Variants in CLVS1 observed in about 807,000 individuals in gnomAD.
The protein encoded by CLVS1 is clavesin-1.
A neutral mutation model predicts 33.1 loss-of-function variants in CLVS1; 10 were observed. That is an observed-to-expected ratio of 0.30 (90% CI 0.19 to 0.51). The LOEUF is 0.51. CLVS1 is among the 20% of genes least tolerant of loss of function. CLVS1 has a pLI of 0.97. For missense variants in CLVS1, 343 were observed against 433.4 expected (o/e 0.79, Z 1.85); for synonymous variants, 163 against 166.1 (o/e 0.98, Z 0.14).
chr8:61,345,810 C>T (rs1563507328), intron 2 of CLVS1, among the ~76,000 whole-genome samples: 1 of 151,972 alleles, frequency 6.6e-6, no homozygotes, highest in Non-Finnish European at 1.5e-5. Flanking sequence ...CTGGAGAGGG[C>T]TGTAGATGGT....
At chr8:61,126,434 G>A (rs951846377) in intron 1 of CLVS1, among the ~76,000 whole-genome samples, 1 of 152,276 alleles carries the variant, frequency 6.6e-6, no homozygotes, top group Non-Finnish European at 1.5e-5. Context: ...TGCCTGGCAC[G>A]TAGTAAATGG....
chr8:61,252,870 T>A (rs1454508367), intron 2 of CLVS1, among the ~76,000 whole-genome samples: 1 of 152,230 alleles, frequency 6.6e-6, no homozygotes, highest in African/African-American at 2.4e-5. Flanking sequence ...TGGCTCTTTA[T>A]CCAATTTGCC....
chr8:61,439,603 A>G (rs1349613687), intron 3 of CLVS1, among the ~76,000 whole-genome samples: 3 of 152,224 alleles, frequency 2.0e-5, no homozygotes, highest in Non-Finnish European at 4.4e-5. Flanking sequence ...AGCAGAAAGT[A>G]AAAGAAGCAA....
At chr8:60,999,829 C>T in the CLVS1 span, among the ~76,000 whole-genome samples, 1 of 152,104 alleles carries the variant, frequency 6.6e-6, no homozygotes, top group Admixed American at 6.5e-5. Flanking sequence ...CCTGGAGTAC[C>T]AGCTACTGTG....
intron 2 of CLVS1, among the ~76,000 whole-genome samples, chr8:61,252,492 G>T (rs1325834595): frequency 6.6e-6 from 1 of 152,062 alleles, no homozygotes; most frequent in Non-Finnish European, 1.5e-5. Flanking sequence ...CTGTCTCATT[G>T]ATCTCTCTAA....
rs188967806 is a variant in CLVS1 at position 61,230,133 on chromosome 8, A to T, written c.-151-69544A>T. On this transcript the variant is annotated intron_variant, in intron 2 of 2. Transcript: ENST00000522621. ...CTAAAAGGGAAGATAAGTGAGAGGG[A>T]GGAATAAACTAAGGTTGAGGGGAGT... 2.6e-5 allele frequency among the ~76,000 whole-genome samples: 4 copies of T among 152,278 alleles called. No individual in the cohort carries two copies. The East Asian group carries it at 7.7e-4, about 29-fold the overall frequency.
At chr8:61,060,474 T>C (rs756173491) in intron 1 of CLVS1, among the ~76,000 whole-genome samples, 1 of 152,174 alleles carries the variant, frequency 6.6e-6, no homozygotes, top group African/African-American at 2.4e-5. Flanking sequence ...TAGAGGAACC[T>C]GAAAAAAATG....
In CLVS1 at chr8:61,307,416, G is replaced by A. The variant is rs3962996; in HGVS notation, c.455+7134G>A. 1.4e-3 allele frequency among the ~76,000 whole-genome samples: 217 copies of A among 152,156 alleles called. 2 individuals are homozygous for A. Among genetic ancestry groups the A allele is most frequent in the African/African-American group, 4.0e-3 (164 of 41,514 alleles). ...TTGTAAGAAGGCCAAGGATCCAGGA[G>A]GTTCTTTCTCCCCAGAATACAGAGC... is the stretch of plus-strand genomic sequence containing the variant. On this transcript the variant is annotated intron_variant, in intron 2 of 5. Coordinates refer to ENST00000325897, the MANE Select transcript of CLVS1 (RefSeq NM_173519.3).
At chr8:61,223,484 T>C (rs887176671) in intron 2 of CLVS1, among the ~76,000 whole-genome samples, 4 of 152,208 alleles carry the variant, frequency 2.6e-5, no homozygotes, top group African/African-American at 9.7e-5. Flanking sequence ...ATTATTTTCT[T>C]TAAGAATGTC....
At chr8:61,091,327 G>A (rs1805245509) in intron 1 of CLVS1, among the ~76,000 whole-genome samples, 1 of 152,190 alleles carries the variant, frequency 6.6e-6, no homozygotes, top group Non-Finnish European at 1.5e-5. Context: ...TTTAGCCATA[G>A]AGGACTCATT....
intron 3 of CLVS1, among the ~76,000 whole-genome samples, chr8:61,430,946 T>A (rs1004749954): frequency 6.6e-6 from 1 of 152,192 alleles, no homozygotes. Flanking sequence ...ATATGAATAA[T>A]AGAGATTTCA....
chr8:61,161,627 G>C (rs1806754367), intron 2 of CLVS1, among the ~76,000 whole-genome samples: 1 of 152,174 alleles, frequency 6.6e-6, no homozygotes, highest in South Asian at 2.1e-4. Context: ...GAGGAGAATG[G>C]TATTTCACAG....
chr8:61,119,239 A>C (rs1585623488), intron 1 of CLVS1, among the ~76,000 whole-genome samples: 1 of 151,906 alleles, frequency 6.6e-6, no homozygotes, highest in South Asian at 2.1e-4. Context: ...ATCTTCCTCC[A>C]TCCTTTTATT....
At chr8:61,187,014 T>C (rs1807356497) in intron 2 of CLVS1, among the ~76,000 whole-genome samples, 1 of 152,214 alleles carries the variant, frequency 6.6e-6, no homozygotes, top group African/African-American at 2.4e-5. Flanking sequence ...TATGTTGTAC[T>C]ACACAGCTAA....
intron 1 of CLVS1, among the ~76,000 whole-genome samples, chr8:61,120,647 C>G (rs376351516): frequency 0.027 from 3,436 of 128,662 alleles, 176 homozygotes; most frequent in South Asian, 0.046. Context: ...AGGTGTCAGT[C>G]TGCCCCTGCT....
intron 2 of CLVS1, among the ~76,000 whole-genome samples, chr8:61,332,288 C>G (rs997575696): frequency 6.6e-6 from 1 of 152,160 alleles, no homozygotes. Context: ...CACCCTCAGA[C>G]AGTAGATTCT....
intron 2 of CLVS1, among the ~76,000 whole-genome samples, chr8:61,214,331 T>G (rs549796421): frequency 6.6e-6 from 1 of 152,298 alleles, no homozygotes; most frequent in African/African-American, 2.4e-5. Context: ...ACTTGCTGGT[T>G]TTTGCGGCTT....
rs1803728783 is a variant in CLVS1 at position 61,483,082 on chromosome 8, A to AG, written c.978-16373_978-16372insG. ...CAAAAGCTAGCAGAAGGCAAGAAATAACTAAGATCAGAGCAGAACTGAAGG... is the reference window on the plus strand; with the variant it reads ...CAAAAGCTAGCAGAAGGCAAGAAATAGACTAAGATCAGAGCAGAACTGAAGG... On this transcript the variant is annotated intron_variant, in intron 5 of 5. Coordinates refer to ENST00000325897, the MANE Select transcript of CLVS1 (RefSeq NM_173519.3). 3.3e-5 allele frequency among the ~76,000 whole-genome samples: 5 copies of AG among 152,356 alleles called. No individual in the cohort carries two copies. In the South Asian group the frequency reaches 1.0e-3, roughly 32 times the overall value.
At chr8:61,467,555 G>C (rs1817590709) in intron 5 of CLVS1, among the ~76,000 whole-genome samples, 1 of 152,150 alleles carries the variant, frequency 6.6e-6, no homozygotes, top group Non-Finnish European at 1.5e-5. Context: ...ACAGGCACGG[G>C]TACAAATCCT....
Sources: gnomAD v4.1 joint callset for allele counts (sites outside exome capture counted in the v4.1 genomes callset) on GRCh38, gnomAD v4.1.1 for gene constraint, MANE v1.5 for transcripts, NCBI Gene and HGNC (gene_info 2026-07-23, HGNC 2026-07-21) for gene names.